The following POLI variants were observed in gnomAD, a reference collection of about 807,000 sequenced individuals.
POLI encodes DNA polymerase iota.
A neutral mutation model predicts 51.6 loss-of-function variants in POLI; 58 were observed. That is an observed-to-expected ratio of 1.12 (90% CI 0.91 to 1.40). The LOEUF is 1.40. Ranked by LOEUF, POLI falls within the 40% of genes most tolerant of loss-of-function variation. The pLI is 0.00. For missense variants in POLI, 921 were observed against 871.3 expected, an observed-to-expected ratio of 1.06 and a Z score of -0.72; for synonymous variants, 322 against 299.7, an observed-to-expected ratio of 1.07 and a Z score of -0.77.
intron 8 of POLI, among the ~76,000 whole-genome samples, chr18:54,288,331 C>A (rs761051380): frequency 1.5e-4 from 23 of 151,696 alleles, no homozygotes; most frequent in Non-Finnish European, 2.8e-4. Context: ...TTTCTGTTTT[C>A]TGTTAGAAGT....
chr18:54,279,845 C>CT (rs2087417962), intron 4 of POLI, among the ~76,000 whole-genome samples: 1 of 152,184 alleles, frequency 6.6e-6, no homozygotes, highest in Admixed American at 6.5e-5. Context: ...GCATATACTG[C>CT]TAGTGCGTGG....
intron 1 of POLI, 116 bp from the exon 2 acceptor site, chr18:54,271,244 A>G: frequency 1.2e-6 from 1 of 818,890 alleles, no homozygotes; most frequent in Non-Finnish European, 1.8e-6. Flanking sequence ...ATAATCCAGG[A>G]GAAAACACGT....
chr18:54,303,782 C>A (rs964316002), intron 3 of POLI, among the ~76,000 whole-genome samples: 1 of 147,786 alleles, frequency 6.8e-6, no homozygotes, highest in African/African-American at 2.5e-5. Flanking sequence ...TTTAATTATA[C>A]TTTAAGTTCT....
In POLI at chr18:54,294,257, C is replaced by T. The variant is rs752921249; in HGVS notation, c.2013C>T (p.Asn671=). Residue 671 remains asparagine, a synonymous_variant, in exon 10 of 10, where the codon AAC becomes AAT. Coordinates refer to ENST00000579534, the MANE Select transcript of POLI (RefSeq NM_007195.3). ...NLQSEQLFSR[N]HTTDSHKQTV... is the part of the protein sequence containing the mutation. ...AGAGTGAGCAACTTTTCTCCAGAAACCACACTACAGATAGCCATAAGCAAA... is the reference window on the plus strand; with the variant it reads ...AGAGTGAGCAACTTTTCTCCAGAAATCACACTACAGATAGCCATAAGCAAA... The T allele has an allele frequency of 1.2e-6, 2 of 1,613,684 alleles. No individual in the cohort carries two copies. Among genetic ancestry groups the T allele is most frequent in the Non-Finnish European group, 1.7e-6 (2 of 1,179,702 alleles).
chr18:54,306,169 G>C (rs2088582775), intron 3 of POLI, among the ~76,000 whole-genome samples: 1 of 152,194 alleles, frequency 6.6e-6, no homozygotes, highest in African/African-American at 2.4e-5. Flanking sequence ...CAAAGGGAAT[G>C]CTTCCAGTTT....
chr18:54,282,322 CTTCAA>C (rs1304679328), intron 5 of POLI, among the ~76,000 whole-genome samples: 1 of 152,046 alleles, frequency 6.6e-6, no homozygotes, highest in Non-Finnish European at 1.5e-5. Context: ...TTTGTGAGGA[CTTCAA>C]AGAGGTGCAT....
intron 3 of POLI, among the ~76,000 whole-genome samples, chr18:54,308,942 A>C (rs1277538897): frequency 6.6e-6 from 1 of 152,154 alleles, no homozygotes; most frequent in African/African-American, 2.4e-5. Flanking sequence ...CAGGTAATTT[A>C]AGGTCTTCTC....
intron 8 of POLI, 197 bp from the exon 9 acceptor site, chr18:54,291,636 T>C (rs142176752): frequency 2.5e-6 from 1 of 400,506 alleles, no homozygotes; most frequent in African/African-American, 2.1e-5. Context: ...ATCAGTGTAG[T>C]ATAACCAGAA....
At chr18:54,288,235 T>C (rs2087835985) in intron 8 of POLI, among the ~76,000 whole-genome samples, 1 of 152,216 alleles carries the variant, frequency 6.6e-6, no homozygotes, top group Non-Finnish European at 1.5e-5. Flanking sequence ...TAGCGGTATA[T>C]AGTAGTGTGG....
In POLI at chr18:54,295,564, G is replaced by A. The variant is rs1323195048; in HGVS notation, c.*1097G>A. The A allele has an allele frequency of 1.2e-6, 1 of 825,390 alleles. No homozygotes were observed. The highest frequency in any genetic ancestry group is 1.5e-6 in the Non-Finnish European group (1 of 684,604). 51.1% of individuals were successfully genotyped at this position (825,390 alleles called of 1,614,324 possible). A position where few individuals can be genotyped will look rare whatever the true frequency, so the allele number is the denominator to read the frequency against. On this transcript the variant is annotated 3_prime_UTR_variant, in exon 10 of 10. Coordinates refer to ENST00000579534, the MANE Select transcript of POLI (RefSeq NM_007195.3). The stretch of plus-strand genomic sequence containing the variant: ...CTAAAGAAGAGACTTTAAAAATAAA[G>A]TACACAAATATGAACCAAAGAGTAG...
chr18:54,310,361 T>A (rs2088654060), intron 3 of POLI, among the ~76,000 whole-genome samples: 1 of 152,236 alleles, frequency 6.6e-6, no homozygotes, highest in South Asian at 2.1e-4. Flanking sequence ...TCTTATCTCC[T>A]ATCTTCAAAC....
intron 5 of POLI, among the ~76,000 whole-genome samples, chr18:54,281,746 CTTT>C (rs34681381): frequency 4.2e-5 from 6 of 141,754 alleles, no homozygotes; most frequent in Non-Finnish European, 7.7e-5. Flanking sequence ...GTTCTTGTAT[CTTT>C]TTTTTTTTTT....
At position 54,273,320 on chromosome 18, in the gene POLI, C is replaced by T. The variant is rs890915122; in HGVS notation, c.242-606C>T. On this transcript the variant is annotated intron_variant, in intron 2 of 9. Coordinates refer to ENST00000579534, the MANE Select transcript of POLI (RefSeq NM_007195.3). ...TATATTGCTTTATATTAGCAAGTTACGGAGAAGAGAAGTTGAGTTTTTCTA... is the reference window on the plus strand; with the variant it reads ...TATATTGCTTTATATTAGCAAGTTATGGAGAAGAGAAGTTGAGTTTTTCTA... Among the ~76,000 whole-genome samples, 45 of 149,882 alleles carry T rather than the reference C, an allele frequency of 3.0e-4. 1 individual carries two copies. The highest frequency in any genetic ancestry group is 1.1e-3 in the African/African-American group (45 of 40,880).
chr18:54,311,983 G>A (rs758832405), intron 3 of POLI, among the ~76,000 whole-genome samples: 2 of 152,164 alleles, frequency 1.3e-5, no homozygotes, highest in Admixed American at 6.5e-5. Context: ...TGAGGGATAC[G>A]TGTGCAGGTT....
chr18:54,314,238 A>G (rs910813933), intron 3 of POLI, among the ~76,000 whole-genome samples: 5 of 151,564 alleles, frequency 3.3e-5, no homozygotes, highest in Non-Finnish European at 5.9e-5. Context: ...TCTTCCTGGG[A>G]TGCAAAGTTG....
chr18:54,312,127 C>T (rs978419996), intron 3 of POLI, among the ~76,000 whole-genome samples: 1 of 152,096 alleles, frequency 6.6e-6, no homozygotes, highest in African/African-American at 2.4e-5. Context: ...ATATTCCCCC[C>T]CAGCGTCTGT....
chr18:54,305,173 T>C (rs1026322980), intron 3 of POLI, among the ~76,000 whole-genome samples: 18 of 152,184 alleles, frequency 1.2e-4, no homozygotes, highest in Non-Finnish European at 2.1e-4. Context: ...AGCCTTGTAG[T>C]GTAGTTTGAA....
chr18:54,309,016 A>G (rs189252483), intron 3 of POLI, among the ~76,000 whole-genome samples: 10 of 152,218 alleles, frequency 6.6e-5, no homozygotes, highest in African/African-American at 2.4e-4. Flanking sequence ...CTTCCTTGCA[A>G]TGGGTTTGAA....
rs2088233090 is a variant in POLI at position 54,294,850 on chromosome 18, T to A, written c.*383T>A. 1.0e-6 allele frequency: 1 copy of A among 984,032 alleles called. No individual in the cohort carries two copies. Among genetic ancestry groups the A allele is most frequent in the Admixed American group, 6.1e-5 (1 of 16,376 alleles). The allele number at this position is 984,032 out of a possible 1,614,324, so 61.0% of individuals were successfully genotyped here. On this transcript the variant is annotated 3_prime_UTR_variant, in exon 10 of 10. Coordinates refer to ENST00000579534, the MANE Select transcript of POLI (RefSeq NM_007195.3). ...TTTTTTTCCTGTGAAATGTGGAATA[T>A]CTCAAATTCAGCCTCTTAGGCTGAA...
Sources: allele counts gnomAD v4.1 joint callset (sites outside exome capture counted in the v4.1 genomes callset), GRCh38; gene constraint gnomAD v4.1.1; transcripts MANE v1.5; gene names NCBI Gene and HGNC (gene_info 2026-07-23, HGNC 2026-07-21).